The following LHFPL2 variants were observed in gnomAD, a reference collection of about 807,000 sequenced individuals.
LHFPL2 encodes LHFPL tetraspan subfamily member 2, also known as LHFPL tetraspan subfamily member 2 protein.
In LHFPL2, 7 loss-of-function variants were observed where a neutral mutation model predicts 17.5. The observed-to-expected ratio is 0.40, with a 90% confidence interval of 0.23 to 0.75. The LOEUF is 0.75. Among genes scored for constraint, LHFPL2 ranks in the 30% least tolerant of loss-of-function variants. LHFPL2 has a pLI of 0.37. For missense variants in LHFPL2, 241 were observed against 294.8 expected, an observed-to-expected ratio of 0.82 and a Z score of 1.34; for synonymous variants, 134 against 116.2, an observed-to-expected ratio of 1.15 and a Z score of -0.99.
intron 2 of LHFPL2, among the ~76,000 whole-genome samples, chr5:78,580,343 A>C (rs552798963): frequency 4.7e-4 from 72 of 152,204 alleles, no homozygotes; most frequent in African/African-American, 1.5e-3. Flanking sequence ...GAAGCTCTTT[A>C]GTTTAATTAG....
In LHFPL2 at chr5:78,550,022, A is replaced by T. The variant is rs565446647; in HGVS notation, c.-186+14791T>A. ...TTTCTGAGCATTGACAGAAGTCTTG[A>T]TTCCTACAGAACAAATGTTACAATT... is the stretch of plus-strand genomic sequence containing the variant. On this transcript the variant is annotated intron_variant, in intron 3 of 4. Transcript: ENST00000380345. Among the ~76,000 whole-genome samples the T allele has an allele frequency of 2.0e-5, 3 of 152,346 alleles. No homozygotes were observed. The East Asian group carries it at 5.8e-4, about 29-fold the overall frequency.
chr5:78,546,667 A>C (rs1756285728), intron 3 of LHFPL2, among the ~76,000 whole-genome samples: 2 of 152,250 alleles, frequency 1.3e-5, no homozygotes, highest in Admixed American at 6.5e-5. Flanking sequence ...ACATATGACT[A>C]GAACTGGCCT....
chr5:78,571,728 AC>A (rs747274279), intron 2 of LHFPL2, among the ~76,000 whole-genome samples: 2 of 152,062 alleles, frequency 1.3e-5, no homozygotes, highest in Non-Finnish European at 2.9e-5. Flanking sequence ...AGTGCAACAC[AC>A]CCCTCTGTGC....
intron 2 of LHFPL2, among the ~76,000 whole-genome samples, chr5:78,584,016 A>T (rs931439519): frequency 6.6e-6 from 1 of 151,670 alleles, no homozygotes; most frequent in Admixed American, 6.6e-5. Context: ...TTCCCTTCTC[A>T]CTTCATTTCA....
At chr5:78,494,008 C>T (rs1405830885) in intron 4 of LHFPL2, among the ~76,000 whole-genome samples, 25 of 152,232 alleles carry the variant, frequency 1.6e-4, no homozygotes, top group Admixed American at 1.5e-3. Flanking sequence ...TTTCACATGA[C>T]GGCTGAGCCA....
chr5:78,497,811 T>C (rs899716106), intron 4 of LHFPL2, among the ~76,000 whole-genome samples: 1 of 152,222 alleles, frequency 6.6e-6, no homozygotes, highest in Admixed American at 6.5e-5. Flanking sequence ...AAAACCTTCC[T>C]GGCTACAGAA....
intron 2 of LHFPL2, among the ~76,000 whole-genome samples, chr5:78,566,383 A>G (rs895161402): frequency 2.6e-5 from 4 of 152,230 alleles, no homozygotes; most frequent in African/African-American, 9.6e-5. Flanking sequence ...ACTGGACAAC[A>G]GTCATTGGGT....
Position 78,615,194 on chromosome 5 carries a change from G to A in LHFPL2, c.-245+17070C>T, listed in dbSNP as rs767712757. ...CCCCTCCCACAGCCAAAAGCCTCTGGTGTGTGGAGTGTGGGGAAGGGAGAG... is the reference window on the plus strand; with the variant it reads ...CCCCTCCCACAGCCAAAAGCCTCTGATGTGTGGAGTGTGGGGAAGGGAGAG... On this transcript the variant is annotated intron_variant, in intron 2 of 4. Transcript: ENST00000380345. Among the ~76,000 whole-genome samples, 127 of 152,232 alleles carry A rather than the reference G, an allele frequency of 8.3e-4. No homozygotes were observed. The Middle Eastern group carries it at 0.01, about 12-fold the overall frequency.
chr5:78,632,343 A>T lies in LHFPL2; in HGVS notation c.-324T>A, dbSNP rs900546432. On this transcript the variant is annotated 5_prime_UTR_variant, in exon 2 of 5. In the 5' UTR this introduces an upstream ATG that the reference lacks. Transcript: ENST00000380345. Reference sequence around the variant, plus strand: ...TGCAGAAACCATAGGCCAGCTGTCAACTCAAGAGTCTGATTCCCAACTCAC... The same window carrying T: ...TGCAGAAACCATAGGCCAGCTGTCATCTCAAGAGTCTGATTCCCAACTCAC... 2 of 152,188 alleles carry T rather than the reference A, an allele frequency of 1.3e-5. No individual in the cohort carries two copies. Among genetic ancestry groups the T allele is most frequent in the African/African-American group, 4.8e-5 (2 of 41,436 alleles). The allele number at this position is 152,188 out of a possible 1,614,324, so 9.4% of individuals were successfully genotyped here.
At chr5:78,571,043 C>A (rs1756986557) in intron 2 of LHFPL2, among the ~76,000 whole-genome samples, 1 of 152,066 alleles carries the variant, frequency 6.6e-6, no homozygotes, top group African/African-American at 2.4e-5. Flanking sequence ...CTCATGGAGG[C>A]ATCTGGAAAG....
At chr5:78,607,503 C>G (rs1302474156) in intron 2 of LHFPL2, among the ~76,000 whole-genome samples, 1 of 152,204 alleles carries the variant, frequency 6.6e-6, no homozygotes, top group African/African-American at 2.4e-5. Context: ...TAATTACAAA[C>G]AAAATTTGCC....
chr5:78,584,176 A>G (rs1215702953), intron 2 of LHFPL2, among the ~76,000 whole-genome samples: 1 of 150,046 alleles, frequency 6.7e-6, no homozygotes, highest in Non-Finnish European at 1.5e-5. Flanking sequence ...TTCTAGTTAT[A>G]CATTCTTCTA....
At position 78,542,076 on chromosome 5, in the gene LHFPL2, G is replaced by A. The variant is rs185952269; in HGVS notation, c.-186+22737C>T. ...AATTACAGGAATTTAATAGCTCTGC[G>A]ACCCTTTGGATTTGTTTTAAAAGAC... On this transcript the variant is annotated intron_variant, in intron 3 of 4. Coordinates refer to ENST00000380345, the MANE Select transcript of LHFPL2 (RefSeq NM_005779.3). Among the ~76,000 whole-genome samples, 365 of 151,700 alleles carry A rather than the reference G, an allele frequency of 2.4e-3. 1 individual carries two copies. The highest frequency in any genetic ancestry group is 8.3e-3 in the African/African-American group (342 of 41,346).
At chr5:78,494,867 C>T (rs1374812361) in intron 4 of LHFPL2, among the ~76,000 whole-genome samples, 1 of 152,176 alleles carries the variant, frequency 6.6e-6, no homozygotes, top group African/African-American at 2.4e-5. Flanking sequence ...CACAGAGGAA[C>T]ACAGTTTTAT....
At chr5:78,578,926 A>G (rs1357708153) in intron 2 of LHFPL2, among the ~76,000 whole-genome samples, 2 of 152,220 alleles carry the variant, frequency 1.3e-5, no homozygotes, top group Non-Finnish European at 2.9e-5. Context: ...AGAGACGCCA[A>G]CCAAGTCTTG....
chr5:78,533,118 C>T (rs758846102), intron 3 of LHFPL2, among the ~76,000 whole-genome samples: 10 of 152,188 alleles, frequency 6.6e-5, no homozygotes, highest in Non-Finnish European at 1.5e-4. Context: ...TAAGGATTTA[C>T]TGCTCTACGG....
chr5:78,645,543 T>TACACATACACACACACACAC (rs71613976), intron 1 of LHFPL2, among the ~76,000 whole-genome samples: 1 of 137,236 alleles, frequency 7.3e-6, no homozygotes, highest in Non-Finnish European at 1.6e-5. Flanking sequence ...GACAGATGCA[T>TACACATACACACACACACAC]ACACACACAC....
Position 78,584,995 on chromosome 5 carries a change from G to GTTT in LHFPL2, c.-244-20127_-244-20125dup, listed in dbSNP as rs1163195083. On this transcript the variant is annotated intron_variant, in intron 2 of 4. Transcript: ENST00000380345. ...GGGATATAATCTCCTGGTGCGCTGT[G>GTTT]TTTTTTTTTTTTTTTTTTTTTTTTT... Among the ~76,000 whole-genome samples, 31 of 40,528 alleles carry GTTT rather than the reference G, an allele frequency of 7.6e-4. 3 individuals carry two copies. The highest frequency in any genetic ancestry group is 9.1e-4 in the Non-Finnish European group (16 of 17,580). The allele number at this position is 40,528 out of a possible 152,430, so 26.6% of individuals were successfully genotyped here. A position where few individuals can be genotyped will look rare whatever the true frequency, so the allele number is the denominator to read the frequency against.
chr5:78,514,552 C>A (rs1353226865), intron 3 of LHFPL2, among the ~76,000 whole-genome samples: 1 of 152,122 alleles, frequency 6.6e-6, no homozygotes, highest in Non-Finnish European at 1.5e-5. Flanking sequence ...ACTTAGATCC[C>A]GGATCTGTCT....
Sources: allele counts gnomAD v4.1 joint callset (sites outside exome capture counted in the v4.1 genomes callset), GRCh38; gene constraint gnomAD v4.1.1; transcripts MANE v1.5; gene names NCBI Gene and HGNC (gene_info 2026-07-23, HGNC 2026-07-21).